The following PGM5 variants were observed in gnomAD, a reference collection of about 807,000 sequenced individuals.
The protein encoded by PGM5 is phosphoglucomutase-like protein 5.
A neutral mutation model predicts 59.2 loss-of-function variants in PGM5; 23 were observed. That is an observed-to-expected ratio of 0.39 (90% CI 0.28 to 0.55). The LOEUF is 0.55. Among genes scored for constraint, PGM5 ranks in the 20% least tolerant of loss-of-function variants. PGM5 has a pLI of 0.66. For missense variants in PGM5, 574 were observed against 748.3 expected, an observed-to-expected ratio of 0.77 and a Z score of 2.72; for synonymous variants, 214 against 286.0, an observed-to-expected ratio of 0.75 and a Z score of 2.54.
intron 8 of PGM5, among the ~76,000 whole-genome samples, chr9:68,480,138 G>T (rs1824172832): frequency 6.6e-6 from 1 of 152,204 alleles, no homozygotes; most frequent in Non-Finnish European, 1.5e-5. Context: ...GAACTGCAGA[G>T]CTTTGAAAAG....
intron 6 of PGM5, among the ~76,000 whole-genome samples, chr9:68,447,656 T>A (rs971501281): frequency 2.6e-5 from 4 of 152,216 alleles, no homozygotes; most frequent in Non-Finnish European, 4.4e-5. Context: ...ATAGTTTTGG[T>A]GTTTGCAGCA....
Position 68,529,790 on chromosome 9 carries a change from G to T in PGM5, c.*134G>T. Reference sequence around the variant, plus strand: ...AGATATTTTGCTTTTGGGGGATAGAGGGTGGGTGGGAAAAGAAAAAAAATC... The same window carrying T: ...AGATATTTTGCTTTTGGGGGATAGATGGTGGGTGGGAAAAGAAAAAAAATC... On this transcript the variant is annotated 3_prime_UTR_variant, in exon 11 of 11. Coordinates refer to ENST00000396396, the MANE Select transcript of PGM5 (RefSeq NM_021965.4). The T allele has an allele frequency of 1.9e-6, 1 of 534,256 alleles. No individual in the cohort carries two copies. The allele number at this position is 534,256 out of a possible 1,614,324, so 33.1% of individuals were successfully genotyped here.
At position 68,529,897 on chromosome 9, in the gene PGM5, T is replaced by C. The variant is rs895378024; in HGVS notation, c.*241T>C. The stretch of plus-strand genomic sequence containing the variant: ...GTTAAAGCTGCACTATAATTTGGTA[T>C]CTACATTTTATCACACAAAGGAACC... On this transcript the variant is annotated 3_prime_UTR_variant, in exon 11 of 11. Coordinates refer to ENST00000396396, the MANE Select transcript of PGM5 (RefSeq NM_021965.4). 1 of 376,254 alleles carries C rather than the reference T, an allele frequency of 2.7e-6. No homozygotes were observed. Among genetic ancestry groups the C allele is most frequent in the Non-Finnish European group, 4.8e-6 (1 of 209,802 alleles). The allele number at this position is 376,254 out of a possible 1,614,324, so 23.3% of individuals were successfully genotyped here. A position where few individuals can be genotyped will look rare whatever the true frequency, so the allele number is the denominator to read the frequency against.
chr9:68,357,573 C>T (rs1176507578), intron 1 of PGM5, 185 bp downstream of exon 1: 15 of 902,040 alleles, frequency 1.7e-5, no homozygotes, highest in South Asian at 6.9e-5. Flanking sequence ...CCCCGGTGCA[C>T]CCCGGACACT....
intron 6 of PGM5, among the ~76,000 whole-genome samples, chr9:68,432,344 G>A (rs1554683095): frequency 6.6e-6 from 1 of 151,058 alleles, no homozygotes; most frequent in African/African-American, 2.4e-5. Context: ...GATTACACAG[G>A]CAAGCGCCAC....
intron 10 of PGM5, among the ~76,000 whole-genome samples, chr9:68,525,053 C>T (rs1174894801): frequency 1.3e-5 from 2 of 152,104 alleles, no homozygotes; most frequent in Non-Finnish European, 2.9e-5. Context: ...ATTCCAACTG[C>T]CTCTCCAATT....
intron 2 of PGM5, among the ~76,000 whole-genome samples, chr9:68,380,759 T>C (rs1467312439): frequency 6.6e-6 from 1 of 151,836 alleles, no homozygotes; most frequent in Non-Finnish European, 1.5e-5. Context: ...GACATTGCAA[T>C]AGATACCTCA....
chr9:68,466,251 T>C, intron 7 of PGM5: 1 of 1,183,508 alleles, frequency 8.4e-7, no homozygotes, highest in Non-Finnish European at 1.1e-6. Context: ...GAAGGAATTC[T>C]TCTTCTCCGA....
intron 10 of PGM5, among the ~76,000 whole-genome samples, chr9:68,521,811 G>A (rs1824903330): frequency 6.6e-6 from 1 of 152,212 alleles, no homozygotes; most frequent in African/African-American, 2.4e-5. Context: ...ACTCTTGCAG[G>A]TAGGTTTGTA....
Position 68,409,438 on chromosome 9 carries a change from C to T in PGM5, c.1043+16965C>T, listed in dbSNP as rs1452395694. ...GACACATGCACACGTATGTTTATTG[C>T]GGCATTATTCACAATAGCAAAGACT... On this transcript the variant is annotated intron_variant, in intron 6 of 10. Transcript: ENST00000396396. Among the ~76,000 whole-genome samples the T allele has an allele frequency of 4.0e-3, 519 of 129,042 alleles. 1 individual carries two copies. The highest frequency in any genetic ancestry group is 0.014 in the African/African-American group (468 of 33,742). 84.7% of individuals were successfully genotyped at this position (129,042 alleles called of 152,430 possible).
intron 7 of PGM5, among the ~76,000 whole-genome samples, chr9:68,473,065 T>A (rs546129763): frequency 6.6e-6 from 1 of 152,328 alleles, no homozygotes; most frequent in South Asian, 2.1e-4. Context: ...CATAAGTGGT[T>A]TGAGAAATGA....
intron 7 of PGM5, among the ~76,000 whole-genome samples, chr9:68,478,399 C>T (rs1420416280): frequency 1.3e-5 from 2 of 152,214 alleles, no homozygotes; most frequent in Admixed American, 6.5e-5. Flanking sequence ...GCATGTCTGA[C>T]TTCTTCTCAG....
In PGM5 at chr9:68,483,884, G is replaced by C. The variant is rs201467646; in HGVS notation, c.1315G>C (p.Asp439His). 1 of 1,614,104 alleles carries C rather than the reference G, an allele frequency of 6.2e-7. No individual in the cohort carries two copies. The highest frequency in any genetic ancestry group is 1.7e-5 in the Admixed American group (1 of 60,022). ...CACCAGGTTTGACTATGAGGGGTTG[G>C]ATCCCAAGACGACATATTATATCAT... Reference protein sequence around the residue: ...YYCRFDYEGLDPKTTYYIMRD... With the variant: ...YYCRFDYEGLHPKTTYYIMRD... The change falls in exon 9 of 11, where the codon GAT becomes CAT. Residue 439 changes from aspartate to histidine, a missense_variant. Asp to His is a moderately conservative substitution (Grantham distance 81). This residue lies in a region of PGM5 where 300 missense variants were observed against 280.0 expected (regional missense o/e 1.07). Transcript: ENST00000396396.
rs1193769614 is a variant in PGM5, at chr9:68,387,492, C to G, written c.601C>G (p.Leu201Val). Residue 201 changes from leucine to valine, a missense_variant, in exon 4 of 11, where the codon CTT (leucine) becomes GTT (valine). Leu to Val is a conservative substitution (Grantham distance 32, BLOSUM62 1). Around this residue, in one of 7 missense-constraint regions of PGM5, gnomAD observed 103 missense variants for 112.4 expected, o/e 0.92. Coordinates refer to ENST00000396396, the MANE Select transcript of PGM5 (RefSeq NM_021965.4). ...VEIVDPVDIY[L>V]NLLRTIFDFH... ...GATAGTGGACCCAGTGGATATCTAT[C>G]TTAACCTCCTTCGGACCATCTTTGA... The G allele has an allele frequency of 1.2e-6, 2 of 1,611,564 alleles. No individual in the cohort carries two copies. The highest frequency in any genetic ancestry group is 2.7e-5 in the African/African-American group (2 of 74,758).
intron 6 of PGM5, among the ~76,000 whole-genome samples, chr9:68,424,606 G>C (rs1823203129): frequency 6.6e-6 from 1 of 152,176 alleles, no homozygotes; most frequent in Admixed American, 6.5e-5. Context: ...AAATGTTAAT[G>C]GGTGTTCTTA....
chr9:68,416,994 G>C (rs187817348), intron 6 of PGM5, among the ~76,000 whole-genome samples: 8 of 152,134 alleles, frequency 5.3e-5, no homozygotes, highest in Non-Finnish European at 1.0e-4. Flanking sequence ...TTCCTAACGG[G>C]GTTCAGTAGG....
intron 6 of PGM5, among the ~76,000 whole-genome samples, chr9:68,433,075 T>G (rs1375890500): frequency 6.6e-6 from 1 of 152,204 alleles, no homozygotes; most frequent in Admixed American, 6.5e-5. Context: ...CACACCTGCC[T>G]TAGTGTTTCT....
intron 7 of PGM5, among the ~76,000 whole-genome samples, chr9:68,471,058 G>A (rs1221342026): frequency 2.0e-5 from 3 of 152,188 alleles, no homozygotes; most frequent in African/African-American, 7.2e-5. Context: ...AATCTCAATG[G>A]TCCCAGTTCC....
rs782413315 is a variant in PGM5 at position 68,479,513 on chromosome 9, C to A, written c.1255C>A (p.Arg419=). 5.0e-6 allele frequency: 8 copies of A among 1,613,992 alleles called. No individual in the cohort carries two copies. The East Asian group carries it at 1.6e-4, about 31-fold the overall frequency. The change falls in exon 8 of 11, where the codon CGA becomes AGA. Residue 419 remains arginine (R), a synonymous_variant. Coordinates refer to ENST00000396396, the MANE Select transcript of PGM5 (RefSeq NM_021965.4). ...GAAGCAGAGTGTGGAGGAAATTGTCCGAGATCACTGGGCCAAATTTGGCCG... is the reference window on the plus strand; with the variant it reads ...GAAGCAGAGTGTGGAGGAAATTGTCAGAGATCACTGGGCCAAATTTGGCCG... ...ARKQSVEEIV[R]DHWAKFGRHY...
Sources: gnomAD v4.1 joint callset for allele counts (sites outside exome capture counted in the v4.1 genomes callset) on GRCh38, gnomAD v4.1.1 for gene constraint, gnomAD v4.1.1 regional missense constraint, MANE v1.5 for transcripts, NCBI Gene and HGNC (gene_info 2026-07-23, HGNC 2026-07-21) for gene names.